Variants in R3HDM1 observed in about 807,000 individuals in gnomAD.
The protein encoded by R3HDM1 is R3H domain-containing protein 1.
Under a neutral mutation model 141.1 loss-of-function variants are expected in R3HDM1, and 46 were observed. That is an observed-to-expected ratio of 0.33 (90% confidence interval 0.26 to 0.42). The LOEUF is 0.42. Among genes scored for constraint, R3HDM1 ranks in the 10% least tolerant of loss-of-function variants. The probability of loss-of-function intolerance (pLI) is 1.00; values close to 1 mark genes in which losing one functional copy is unlikely to be tolerated. For missense variants in R3HDM1, 1,184 were observed against 1,368.3 expected (o/e 0.87, Z 2.12); for synonymous variants, 435 against 472.9 (o/e 0.92, Z 1.04).
intron 1 of R3HDM1, chr2:135,584,430 A>G: frequency 1.1e-6 from 1 of 925,758 alleles, no homozygotes; most frequent in Non-Finnish European, 1.3e-6. Context: ...GTTCCACAAC[A>G]TCATTAGAAA....
At chr2:135,557,335 A>G (rs1250803986) in intron 1 of R3HDM1, among the ~76,000 whole-genome samples, 2 of 151,386 alleles carry the variant, frequency 1.3e-5, no homozygotes, top group South Asian at 2.1e-4. Context: ...TTCCCATACT[A>G]TAACAAGGGT....
Position 135,651,873 on chromosome 2 carries a change from C to A in R3HDM1, c.1869C>A (p.Ala623=), listed in dbSNP as rs750569350. ...PQQSGYIMTA[A]PPPHPPPPPP... is the part of the protein sequence containing the mutation. ...AGTCTGGTTATATCATGACAGCAGC[C>A]CCTCCACCACATCCTCCTCCACCGC... Residue 623 remains alanine (A), a synonymous_variant, in exon 18 of 27, where the codon GCC becomes GCA. Transcript: ENST00000683871. 6.2e-7 allele frequency: 1 copy of A among 1,613,960 alleles called. No individual in the cohort carries two copies. The highest frequency in any genetic ancestry group is 1.1e-5 in the South Asian group (1 of 91,064).
chr2:135,646,201 T>A (rs1321263132), intron 16 of R3HDM1, among the ~76,000 whole-genome samples: 5 of 151,058 alleles, frequency 3.3e-5, no homozygotes, highest in Non-Finnish European at 7.4e-5. Flanking sequence ...AGTGAAGTGA[T>A]CTTGGCTTAC....
At chr2:135,579,835 G>A (rs1346578355) in intron 1 of R3HDM1, among the ~76,000 whole-genome samples, 1 of 152,182 alleles carries the variant, frequency 6.6e-6, no homozygotes, top group Non-Finnish European at 1.5e-5. Flanking sequence ...TTAATTTTCT[G>A]ATATCAGTAA....
intron 1 of R3HDM1, among the ~76,000 whole-genome samples, chr2:135,579,654 A>G (rs1420651866): frequency 1.3e-5 from 2 of 151,690 alleles, no homozygotes; most frequent in African/African-American, 4.9e-5. Flanking sequence ...GTCACTAGTA[A>G]TCTGAGACAC....
intron 1 of R3HDM1, among the ~76,000 whole-genome samples, chr2:135,535,404 C>T (rs531389771): frequency 2.0e-5 from 3 of 152,020 alleles, no homozygotes; most frequent in Admixed American, 1.3e-4. Context: ...GAGGCTGAGG[C>T]AGGACAATCA....
chr2:135,641,424 C>G, intron 14 of R3HDM1, 112 bp from the exon 15 acceptor site: 1 of 1,244,434 alleles, frequency 8.0e-7, no homozygotes. Flanking sequence ...AGAGCCAATG[C>G]TTTTATGTAG....
In R3HDM1 at chr2:135,641,749, C is replaced by T. The variant is rs1387511411; in HGVS notation, c.1433C>T (p.Ala478Val). The T allele has an allele frequency of 6.2e-7, 1 of 1,614,030 alleles. No individual in the cohort carries two copies. The highest frequency in any genetic ancestry group is 1.7e-5 in the Admixed American group (1 of 60,014). The change falls in exon 15 of 27, where the codon GCA becomes GTA. Residue 478 changes from alanine to valine, a missense_variant. This residue lies in a region of R3HDM1 where 563 missense variants were observed against 562.0 expected (regional missense o/e 1.00). Coordinates refer to ENST00000683871, the MANE Select transcript of R3HDM1 (RefSeq NM_001378107.1). ...TSFFLLPLEA[A>V]GIPPGSILIN... ...TTCTTTTTGCTTCCCTTGGAAGCGG[C>T]AGGCATACCACCTGGCAGTATTCTG...
chr2:135,605,737 T>A (rs144770025), intron 3 of R3HDM1: 6,107 of 152,400 alleles, frequency 0.04, 140 homozygotes, highest in African/African-American at 0.049. Flanking sequence ...CAGGCTGGAG[T>A]GCAGTGGTGT....
rs139457585 is a variant in R3HDM1, at chr2:135,651,911, C to T, written c.1907C>T (p.Pro636Leu). 29 of 1,612,442 alleles carry T rather than the reference C, an allele frequency of 1.8e-5. No homozygotes were observed. The highest frequency in any genetic ancestry group is 2.5e-5 in the Non-Finnish European group (29 of 1,179,002). Residue 636 changes from proline to leucine, a missense_variant, in exon 18 of 27, where the codon CCT becomes CTT. Transcript: ENST00000683871. ...CCTCCTCCACCGCCACCACCACCAC[C>T]TCCTCCTCCTCCCCTACCACCTGGG... ...PHPPPPPPPP[P>L]PPPPLPPGQP...
chr2:135,646,705 CG>C (rs1392647431), intron 16 of R3HDM1, among the ~76,000 whole-genome samples: 2 of 151,210 alleles, frequency 1.3e-5, no homozygotes, highest in African/African-American at 4.9e-5. Flanking sequence ...AAAAATTAGT[CG>C]GGTGTGGTGG....
chr2:135,636,714 G>GT (rs2063289356), intron 11 of R3HDM1, among the ~76,000 whole-genome samples: 2 of 149,560 alleles, frequency 1.3e-5, no homozygotes, highest in African/African-American at 4.9e-5. Context: ...GAATCAATTT[G>GT]TTTTTTGTCA....
chr2:135,685,936 A>G (rs540923559), intron 21 of R3HDM1, among the ~76,000 whole-genome samples: 1 of 152,192 alleles, frequency 6.6e-6, no homozygotes, highest in South Asian at 2.1e-4. Context: ...GGAAACTGCA[A>G]ATTTGCCAGC....
intron 9 of R3HDM1, chr2:135,633,596 A>T (rs935632950): frequency 4.0e-5 from 6 of 151,834 alleles, no homozygotes; most frequent in Non-Finnish European, 8.8e-5. Flanking sequence ...TGTACTTTTT[A>T]TATATATATA....
At chr2:135,622,524 C>A in intron 6 of R3HDM1, 130 bp from the exon 7 acceptor site, 1 of 1,335,974 alleles carries the variant, frequency 7.5e-7, no homozygotes, top group Non-Finnish European at 9.6e-7. Context: ...GTAACTTTTC[C>A]TACTTTGTCG....
At position 135,721,981 on chromosome 2, in the gene R3HDM1, T is replaced by A; in HGVS notation, c.2939T>A (p.Leu980Gln). ...CTGCAGTACAATCCTCCTGCTGTTCTGCACGGACACATTCCAAACCAACAG... is the reference window on the plus strand; with the variant it reads ...CTGCAGTACAATCCTCCTGCTGTTCAGCACGGACACATTCCAAACCAACAG... ...QPLQYNPPAVLHGHIPNQQGQ... is the reference protein window; with the variant it reads ...QPLQYNPPAVQHGHIPNQQGQ... Residue 980 changes from leucine (L) to glutamine (Q), a missense_variant, in exon 25 of 27, where the codon CTG (leucine) becomes CAG (glutamine). Physicochemically the swap from Leu to Gln is moderately radical, Grantham distance 113 (BLOSUM62 -2). Around this residue, in one of 5 missense-constraint regions of R3HDM1, gnomAD observed 182 missense variants for 252.6 expected, o/e 0.72. Coordinates refer to ENST00000683871, the MANE Select transcript of R3HDM1 (RefSeq NM_001378107.1). The A allele has an allele frequency of 6.2e-7, 1 of 1,613,840 alleles. No homozygotes were observed. The highest frequency in any genetic ancestry group is 1.1e-5 in the South Asian group (1 of 91,082).
At chr2:135,700,346 T>C (rs1217736464) in intron 21 of R3HDM1, among the ~76,000 whole-genome samples, 1 of 152,226 alleles carries the variant, frequency 6.6e-6, no homozygotes, top group Non-Finnish European at 1.5e-5. Flanking sequence ...GTTTGTTCTG[T>C]GTTAATTGCT....
intron 1 of R3HDM1, among the ~76,000 whole-genome samples, chr2:135,547,529 A>T (rs902452122): frequency 6.0e-5 from 9 of 149,626 alleles, no homozygotes; most frequent in African/African-American, 2.2e-4. Flanking sequence ...GCATATCCTC[A>T]AGATTATCCA....
intron 11 of R3HDM1, 74 bp from the exon 12 acceptor site, chr2:135,638,544 C>G: frequency 7.1e-7 from 1 of 1,408,370 alleles, no homozygotes; most frequent in South Asian, 1.2e-5. Context: ...TTTTTGTTGT[C>G]ATCATTGGTT....
Sources: allele counts gnomAD v4.1 joint callset (sites outside exome capture counted in the v4.1 genomes callset), GRCh38; gene constraint gnomAD v4.1.1; regional missense constraint gnomAD v4.1.1; transcripts MANE v1.5; gene names NCBI Gene and HGNC (gene_info 2026-07-23, HGNC 2026-07-21).